The following ATL2 variants were observed in gnomAD, a reference collection of about 807,000 sequenced individuals.
ATL2 encodes atlastin GTPase 2.
ATL2 carries 31 observed loss-of-function variants against 73.9 expected under a neutral mutation model. That is an observed-to-expected ratio of 0.42 (90% CI 0.32 to 0.57). ATL2 has a LOEUF of 0.57. Ranked by LOEUF, ATL2 falls within the 20% of genes least tolerant of loss-of-function variation. The pLI, the probability that ATL2 is intolerant of heterozygous loss-of-function variation, is 0.14. For missense variants in ATL2, 738 were observed against 702.6 expected, an observed-to-expected ratio of 1.05 and a Z score of -0.57; for synonymous variants, 291 against 237.5, an observed-to-expected ratio of 1.23 and a Z score of -2.07.
At chr2:38,337,520 C>CAGTT (rs1359440027) in intron 2 of ATL2, among the ~76,000 whole-genome samples, 1 of 85,064 alleles carries the variant, frequency 1.2e-5, no homozygotes, top group Non-Finnish European at 2.6e-5. Context: ...AAAAAAAAGG[C>CAGTT]AGTTGAGGCA....
intron 1 of ATL2, among the ~76,000 whole-genome samples, chr2:38,364,787 G>A (rs1433549034): frequency 3.3e-5 from 5 of 152,228 alleles, no homozygotes. Context: ...GCTTGCGCCT[G>A]TAATCCCAGC....
At chr2:38,365,056 A>T (rs1197156508) in intron 1 of ATL2, among the ~76,000 whole-genome samples, 1 of 151,858 alleles carries the variant, frequency 6.6e-6, no homozygotes, top group East Asian at 1.9e-4. Context: ...AAAAAAAAAA[A>T]AATTACTTTA....
chr2:38,350,022 A>G (rs1670249906), intron 1 of ATL2, among the ~76,000 whole-genome samples: 1 of 152,242 alleles, frequency 6.6e-6, no homozygotes. Context: ...GCAAATGAAT[A>G]AAAGAGAATT....
At chr2:38,360,284 G>C (rs1432963157) in intron 1 of ATL2, among the ~76,000 whole-genome samples, 25 of 143,744 alleles carry the variant, frequency 1.7e-4, no homozygotes, top group East Asian at 4.4e-4. Flanking sequence ...AAGATTTTGG[G>C]TGTTTTGCTT....
chr2:38,321,871 C>T (rs556690647), intron 2 of ATL2, among the ~76,000 whole-genome samples: 8 of 152,202 alleles, frequency 5.3e-5, no homozygotes, highest in Non-Finnish European at 1.2e-4. Flanking sequence ...CACCACCACA[C>T]CTGGCTGATT....
At position 38,300,260 on chromosome 2, in the gene ATL2, C is replaced by T. The variant is rs765595597; in HGVS notation, c.1128+12G>A. The T allele has an allele frequency of 6.3e-7, 1 of 1,577,942 alleles. No individual in the cohort carries two copies. The highest frequency in any genetic ancestry group is 1.7e-5 in the Admixed American group (1 of 59,956). Reference sequence around the variant, plus strand: ...GTATATGTACAACACATATCACTCTCTCTCTCTCTACCTGAAGCATGGACT... The same window carrying T: ...GTATATGTACAACACATATCACTCTTTCTCTCTCTACCTGAAGCATGGACT... On this transcript the variant is annotated intron_variant, in intron 10 of 12. Transcript: ENST00000378954.
rs976152600 is a variant in ATL2 at position 38,294,485 on chromosome 2, T to C, written c.*1509A>G. On this transcript the variant is annotated 3_prime_UTR_variant, in exon 13 of 13. Coordinates refer to ENST00000378954, the MANE Select transcript of ATL2 (RefSeq NM_001135673.4). ...ATCACTTGAACCCAGGAGGTGGAGG[T>C]TGCAGTGAGCCAAGATCGCACCACT... Among the ~76,000 whole-genome samples the C allele has an allele frequency of 6.6e-6, 1 of 151,954 alleles. No individual in the cohort carries two copies. Among genetic ancestry groups the C allele is most frequent in the South Asian group, 2.1e-4 (1 of 4,808 alleles).
At chr2:38,342,620 G>C (rs950146592) in intron 2 of ATL2, among the ~76,000 whole-genome samples, 3 of 152,140 alleles carry the variant, frequency 2.0e-5, no homozygotes, top group Non-Finnish European at 4.4e-5. Flanking sequence ...CTTGTTTGAG[G>C]AACACAGATA....
intron 1 of ATL2, among the ~76,000 whole-genome samples, chr2:38,350,825 C>T (rs537863451): frequency 6.6e-6 from 1 of 152,036 alleles, no homozygotes; most frequent in East Asian, 1.9e-4. Context: ...TCTAATCACA[C>T]ATTATCTTAA....
chr2:38,336,197 T>TA (rs1669348018), intron 2 of ATL2, among the ~76,000 whole-genome samples: 1 of 152,240 alleles, frequency 6.6e-6, no homozygotes, highest in Admixed American at 6.5e-5. Flanking sequence ...AAGAGGAAGG[T>TA]AAAATCAAGT....
intron 9 of ATL2, 38 bp from the exon 10 acceptor site, chr2:38,300,366 G>A: frequency 6.8e-7 from 1 of 1,475,910 alleles, no homozygotes; most frequent in East Asian, 2.3e-5. Context: ...GACGGATTAT[G>A]CAATTTGGCT....
chr2:38,325,633 CACACACACACACACACACA>C (rs1668562971), intron 2 of ATL2, among the ~76,000 whole-genome samples: 2 of 71,672 alleles, frequency 2.8e-5, no homozygotes, highest in African/African-American at 1.3e-4. Flanking sequence ...TACATACACA[CACACACACACACACACACA>C]CACACCAGTA....
chr2:38,300,437 A>C, intron 9 of ATL2, 109 bp from the exon 10 acceptor site: 1 of 690,692 alleles, frequency 1.4e-6, no homozygotes, highest in Non-Finnish European at 2.5e-6. Context: ...ATTAAAAGTA[A>C]ATTCTAGGCT....
chr2:38,373,384 A>G (rs868665737), intron 1 of ATL2, among the ~76,000 whole-genome samples: 26 of 152,220 alleles, frequency 1.7e-4, no homozygotes, highest in African/African-American at 5.8e-4. Context: ...GACCAATCAT[A>G]AAGTTGTATG....
chr2:38,370,538 A>G (rs1442171359), intron 1 of ATL2, among the ~76,000 whole-genome samples: 1 of 150,982 alleles, frequency 6.6e-6, no homozygotes, highest in South Asian at 2.1e-4. Flanking sequence ...TGGGAGCCCA[A>G]GGCGGGCGGA....
chr2:38,323,068 G>A (rs1466123327), intron 2 of ATL2, among the ~76,000 whole-genome samples: 1 of 152,172 alleles, frequency 6.6e-6, no homozygotes, highest in African/African-American at 2.4e-5. Flanking sequence ...GGATACAGCA[G>A]TGAACAAGAA....
Position 38,298,545 on chromosome 2 carries a change from G to A in ATL2, c.1231C>T (p.Pro411Ser). 2 of 1,614,116 alleles carry A rather than the reference G, an allele frequency of 1.2e-6. No homozygotes were observed. The highest frequency in any genetic ancestry group is 1.1e-5 in the South Asian group (1 of 91,082). The change falls in exon 12 of 13, where the codon CCT (proline) becomes TCT (serine). Residue 411 changes from proline to serine, a missense_variant. By Grantham distance (74) the Pro-to-Ser change is moderately conservative. Transcript: ENST00000378954. ...AAGTGTTTTCGCTCCAGATCTGAAG[G>A]TGCAATGTAAGGCTTGTCCCCTCCA... is the stretch of plus-strand genomic sequence containing the variant. ...VCGGDKPYIA[P>S]SDLERKHLDL...
intron 9 of ATL2, among the ~76,000 whole-genome samples, chr2:38,300,973 T>TCC (rs1362114793): frequency 3.3e-5 from 5 of 149,770 alleles, no homozygotes; most frequent in African/African-American, 1.3e-4. Flanking sequence ...CATCTCAACT[T>TCC]TCTTTTTTTT....
intron 2 of ATL2, among the ~76,000 whole-genome samples, chr2:38,327,523 A>T (rs1289978595): frequency 7.4e-6 from 1 of 135,742 alleles, no homozygotes; most frequent in African/African-American, 3.1e-5. Flanking sequence ...AGAGGGGAAT[A>T]TAAAAAAAAA....
Sources: allele counts gnomAD v4.1 joint callset (sites outside exome capture counted in the v4.1 genomes callset), GRCh38; gene constraint gnomAD v4.1.1; transcripts MANE v1.5; gene names NCBI Gene and HGNC (gene_info 2026-07-23, HGNC 2026-07-21).